ADORA2B: variants seen among roughly 807,000 people sequenced by gnomAD.
The protein encoded by ADORA2B is adenosine receptor A2b.
In ADORA2B, 18 loss-of-function variants were observed where a neutral mutation model predicts 20.8. The observed-to-expected ratio is 0.87, with a 90% CI of 0.60 to 1.29. The LOEUF (loss-of-function observed/expected upper bound fraction) is 1.29. Among genes scored for constraint, ADORA2B ranks in the 50% most tolerant of loss-of-function variants. The pLI, the probability that ADORA2B is intolerant of heterozygous loss-of-function variation, is 0.00. For synonymous variants in ADORA2B, 179 were observed against 178.3 expected, an observed-to-expected ratio of 1.00 and a Z score of -0.03; for missense variants, 441 against 422.7, an observed-to-expected ratio of 1.04 and a Z score of -0.38.
At chr17:15,923,344 C>G in the ADORA2B span, among the ~76,000 whole-genome samples, 2 of 149,504 alleles carry the variant, frequency 1.3e-5, no homozygotes, top group Non-Finnish European at 3.0e-5. Context: ...GCCACCACAC[C>G]CTGCCATTGC....
chr17:15,971,617 T>G (rs527607340), intron 1 of ADORA2B, among the ~76,000 whole-genome samples: 87 of 149,156 alleles, frequency 5.8e-4, no homozygotes, highest in African/African-American at 2.1e-3. Context: ...GATGAATGTA[T>G]TTGTAATGGC....
chr17:15,923,408 T>TATA, the ADORA2B span, among the ~76,000 whole-genome samples: 26 of 121,960 alleles, frequency 2.1e-4, no homozygotes, highest in African/African-American at 1.1e-3. Flanking sequence ...TATATATATA[T>TATA]TTTTTTTTTC....
Position 15,945,216 on chromosome 17 carries a change from G to A in ADORA2B, c.-33G>A. 2.2e-6 allele frequency: 3 copies of A among 1,383,116 alleles called. No homozygotes were observed. Among genetic ancestry groups the A allele is most frequent in the South Asian group, 1.6e-5 (1 of 60,686 alleles). The allele number at this position is 1,383,116 out of a possible 1,614,324, so 85.7% of individuals were successfully genotyped here. On this transcript the variant is annotated 5_prime_UTR_variant, in exon 1 of 2. Coordinates refer to ENST00000304222, the MANE Select transcript of ADORA2B (RefSeq NM_000676.4). Reference sequence around the variant, plus strand: ...CTGCCCCTCGCCCGGCGCGCCTTCGGTAGGGGGCGCCCGGGGCCCAGCTGG... The same window carrying A: ...CTGCCCCTCGCCCGGCGCGCCTTCGATAGGGGGCGCCCGGGGCCCAGCTGG...
At chr17:15,919,814 A>G in the ADORA2B span, among the ~76,000 whole-genome samples, 2 of 152,214 alleles carry the variant, frequency 1.3e-5, no homozygotes, top group Non-Finnish European at 2.9e-5. Flanking sequence ...TACAGGATGG[A>G]AAAGACCCAC....
At chr17:15,870,671 T>C in the ADORA2B span, among the ~76,000 whole-genome samples, 1 of 152,052 alleles carries the variant, frequency 6.6e-6, no homozygotes, top group African/African-American at 2.4e-5. Context: ...TTTTTCTGTC[T>C]CTGAGTTCTC....
the ADORA2B span, among the ~76,000 whole-genome samples, chr17:15,872,377 G>A: frequency 4.6e-5 from 7 of 152,070 alleles, no homozygotes; most frequent in Non-Finnish European, 1.0e-4. Flanking sequence ...GGTTAGGATC[G>A]CTTTGGCTAT....
the ADORA2B span, among the ~76,000 whole-genome samples, chr17:15,877,423 G>T: frequency 6.6e-6 from 1 of 152,244 alleles, no homozygotes; most frequent in South Asian, 2.1e-4. Context: ...GTAGAGAGCT[G>T]TTCCTGTGGC....
the ADORA2B span, among the ~76,000 whole-genome samples, chr17:15,872,239 C>G: frequency 6.6e-6 from 1 of 152,136 alleles, no homozygotes; most frequent in African/African-American, 2.4e-5. Flanking sequence ...AGCCACTGAA[C>G]TATACACTTT....
At chr17:15,937,634 G>T in the ADORA2B span, among the ~76,000 whole-genome samples, 1 of 150,990 alleles carries the variant, frequency 6.6e-6, no homozygotes. Flanking sequence ...GTGCAATGGC[G>T]CCATCTTGGC....
At chr17:15,866,700 TCTGCCGCTGCCGCTGCCTCTGCCG>T in the ADORA2B span, among the ~76,000 whole-genome samples, 552 of 123,144 alleles carry the variant, frequency 4.5e-3, 9 homozygotes, top group African/African-American at 0.015. Flanking sequence ...TGCCTCTGCC[TCTGCCGCTGCCGCTGCCTCTGCCG>T]CTGCCGCTGC....
chr17:15,872,828 A>G, the ADORA2B span, among the ~76,000 whole-genome samples: 4 of 152,230 alleles, frequency 2.6e-5, no homozygotes, highest in African/African-American at 9.6e-5. Flanking sequence ...TTTTCTAGGT[A>G]TATGATCATA....
upstream of ADORA2B, among the ~76,000 whole-genome samples, chr17:15,940,659 T>C (rs1969735672): frequency 6.6e-6 from 1 of 152,212 alleles, no homozygotes. Flanking sequence ...CTCTTTATTT[T>C]ATAGAGCCCC....
chr17:15,906,997 C>T, the ADORA2B span, among the ~76,000 whole-genome samples: 7 of 152,174 alleles, frequency 4.6e-5, no homozygotes, highest in East Asian at 1.2e-3. Flanking sequence ...CAGAGGAAAG[C>T]TTGCCATCTC....
In ADORA2B at chr17:15,945,391, C is replaced by T. The variant is rs922900342; in HGVS notation, c.143C>T (p.Ser48Phe). 3 of 1,613,266 alleles carry T rather than the reference C, an allele frequency of 1.9e-6. No individual in the cohort carries two copies. The highest frequency in any genetic ancestry group is 2.5e-6 in the Non-Finnish European group (3 of 1,179,948). Residue 48 changes from serine (S) to phenylalanine (F), a missense_variant, in exon 1 of 2, where the codon TCC (serine) becomes TTC (phenylalanine). By Grantham distance (155) the Ser-to-Phe change is radical. Coordinates refer to ENST00000304222, the MANE Select transcript of ADORA2B (RefSeq NM_000676.4). The part of the protein sequence containing the change: ...LQTPTNYFLV[S>F]LAAADVAVGL... ...ACGCCCACCAACTACTTCCTGGTGT[C>T]CCTGGCTGCGGCCGACGTGGCCGTG...
chr17:15,853,619 T>C, the ADORA2B span, among the ~76,000 whole-genome samples: 4 of 152,132 alleles, frequency 2.6e-5, no homozygotes, highest in Admixed American at 6.5e-5. Context: ...TAAACTGACA[T>C]AAAAAGTAGT....
chr17:15,855,363 A>C, the ADORA2B span, among the ~76,000 whole-genome samples: 1 of 151,884 alleles, frequency 6.6e-6, no homozygotes, highest in African/African-American at 2.4e-5. Context: ...GTTGGTGGCT[A>C]TGTGGCCCCA....
intron 1 of ADORA2B, among the ~76,000 whole-genome samples, chr17:15,962,532 A>G (rs1003727285): frequency 4.0e-5 from 6 of 151,508 alleles, no homozygotes; most frequent in African/African-American, 1.5e-4. Context: ...ATTTATTTTT[A>G]TTTTTTCCAT....
intron 1 of ADORA2B, among the ~76,000 whole-genome samples, chr17:15,967,141 C>T (rs1204692421): frequency 6.6e-6 from 1 of 151,888 alleles, no homozygotes; most frequent in Non-Finnish European, 1.5e-5. Context: ...GAGGGCGTGG[C>T]AGGTGGTTAC....
At chr17:15,935,251 T>G in the ADORA2B span, among the ~76,000 whole-genome samples, 1 of 152,216 alleles carries the variant, frequency 6.6e-6, no homozygotes, top group Non-Finnish European at 1.5e-5. Flanking sequence ...ATTGTAGATC[T>G]CTTAGTGAAT....
Sources: gnomAD v4.1 joint callset for allele counts (sites outside exome capture counted in the v4.1 genomes callset) on GRCh38, gnomAD v4.1.1 for gene constraint, MANE v1.5 for transcripts, NCBI Gene and HGNC (gene_info 2026-07-23, HGNC 2026-07-21) for gene names.